TAC4: variants seen among roughly 807,000 people sequenced by gnomAD.
The protein encoded by TAC4 is tachykinin-4.
Under a neutral mutation model 17.7 loss-of-function variants are expected in TAC4, and 17 were observed. That is an observed-to-expected ratio of 0.96 (90% CI 0.66 to 1.44). The LOEUF (loss-of-function observed/expected upper bound fraction) is 1.44. Among genes scored for constraint, TAC4 ranks in the 40% most tolerant of loss-of-function variants. The pLI, the probability that TAC4 is intolerant of heterozygous loss-of-function variation, is 0.00. For synonymous variants in TAC4, 62 were observed against 52.4 expected (o/e 1.18, Z -0.79); for missense variants, 118 against 125.6 (o/e 0.94, Z 0.29).
At chr17:49,845,448 C>T (rs1049514451) in intron 1 of TAC4, among the ~76,000 whole-genome samples, 4 of 152,188 alleles carry the variant, frequency 2.6e-5, no homozygotes, top group Non-Finnish European at 4.4e-5. Flanking sequence ...CAGTGGGTAA[C>T]ATTCATTAGA....
chr17:49,839,806 A>G (rs368305151), intron 4 of TAC4, 44 bp downstream of exon 4: 1 of 1,585,228 alleles, frequency 6.3e-7, no homozygotes, highest in African/African-American at 1.3e-5. Context: ...GTGTCTGGCC[A>G]TTTTCCCATG....
chr17:49,844,113 C>T lies in TAC4; in HGVS notation c.150G>A (p.Lys50=). The T allele has an allele frequency of 1.2e-6, 2 of 1,613,978 alleles. No individual in the cohort carries two copies. Among genetic ancestry groups the T allele is most frequent in the Non-Finnish European group, 1.7e-6 (2 of 1,179,834 alleles). The change falls in exon 2 of 5, where the codon AAG becomes AAA. Residue 50 remains lysine, a synonymous_variant. Transcript: ENST00000436235. ...CAAAGAACTGGCTTGCCTTGCCCGT[C>T]TTCACCTCCTGCAGCTGGAGCTGAA... ...PSIQLQLQEV[K]TGKASQFFGL...
At chr17:49,847,748 G>C in intron 1 of TAC4, 165 bp downstream of exon 1, 1 of 1,114,520 alleles carries the variant, frequency 9.0e-7, no homozygotes. Context: ...GCCAGGCCAG[G>C]GCTCATAGCC....
chr17:49,844,381 T>C (rs763612033), intron 1 of TAC4, among the ~76,000 whole-genome samples: 1 of 152,046 alleles, frequency 6.6e-6, no homozygotes, highest in Non-Finnish European at 1.5e-5. Context: ...GTAACTAATT[T>C]AAACCTCACC....
rs770605870 is a variant in TAC4, at chr17:49,847,933, T to G, written c.85A>C (p.Ser29Arg). The G allele has an allele frequency of 8.7e-6, 14 of 1,614,054 alleles. No homozygotes were observed. The East Asian group carries it at 2.9e-4, about 33-fold the overall frequency. Residue 29 changes from serine (S) to arginine (R), a missense_variant, in exon 1 of 5, where the codon AGC (serine) becomes CGC (arginine). Transcript: ENST00000436235. Reference sequence around the variant, plus strand: ...ATTACCCAGGTCTCTGCTTCAGTGCTGAGTGTCTGTTCCTCTCCACCATCA... The same window carrying G: ...ATTACCCAGGTCTCTGCTTCAGTGCGGAGTGTCTGTTCCTCTCCACCATCA... The part of the protein sequence containing the change: ...AGDGGEEQTL[S>R]TEAETWEGAG...
Position 49,839,830 on chromosome 17 carries a change from C to T in TAC4, c.292+20G>A, listed in dbSNP as rs761038072. The T allele has an allele frequency of 3.7e-6, 6 of 1,605,104 alleles. No individual in the cohort carries two copies. The highest frequency in any genetic ancestry group is 4.3e-6 in the Non-Finnish European group (5 of 1,175,636). The stretch of plus-strand genomic sequence containing the variant: ...CATTTTCCCATGATGCCCTTGCAAC[C>T]ACCAGCGGCTCTTGCCTACCTTCTG... On this transcript the variant is annotated intron_variant, in intron 4 of 4. Coordinates refer to ENST00000436235, the MANE Select transcript of TAC4 (RefSeq NM_001077506.2).
chr17:49,844,682 T>C (rs1170067544), intron 1 of TAC4, among the ~76,000 whole-genome samples: 1 of 152,166 alleles, frequency 6.6e-6, no homozygotes, highest in Non-Finnish European at 1.5e-5. Context: ...TGCTTGAACC[T>C]GGGAGGCAGA....
In TAC4 at chr17:49,838,473, C is replaced by CT; in HGVS notation, c.*168dup. 1 of 774,000 alleles carries CT rather than the reference C, an allele frequency of 1.3e-6. No individual in the cohort carries two copies. The highest frequency in any genetic ancestry group is 2.2e-6 in the Non-Finnish European group (1 of 453,002). 47.9% of individuals were successfully genotyped at this position (774,000 alleles called of 1,614,324 possible). On this transcript the variant is annotated 3_prime_UTR_variant, in exon 5 of 5. Coordinates refer to ENST00000436235, the MANE Select transcript of TAC4 (RefSeq NM_001077506.2). The stretch of plus-strand genomic sequence containing the variant: ...ATTTATGCAGGACTGCTGCTTGACA[C>CT]TGAGAGTCCAGGAAGAAGCCCAGTG...
rs771848441 is a variant in TAC4 at position 49,838,434 on chromosome 17, CG to C, written c.*207del. On this transcript the variant is annotated 3_prime_UTR_variant, in exon 5 of 5. Coordinates refer to ENST00000436235, the MANE Select transcript of TAC4 (RefSeq NM_001077506.2). The stretch of plus-strand genomic sequence containing the variant: ...AGGGCAGAGTCAGTGCAGCTTGCTA[CG>C]GCGAAGCTGTGCATTTATGCAGGAC... 1 of 651,510 alleles carries C rather than the reference CG, an allele frequency of 1.5e-6. No individual in the cohort carries two copies. The highest frequency in any genetic ancestry group is 2.7e-6 in the Non-Finnish European group (1 of 366,646). 40.4% of individuals were successfully genotyped at this position (651,510 alleles called of 1,614,324 possible). A position where few individuals can be genotyped will look rare whatever the true frequency, so the allele number is the denominator to read the frequency against.
At chr17:49,846,867 A>C in intron 1 of TAC4, 1 of 1,020,234 alleles carries the variant, frequency 9.8e-7, no homozygotes. Context: ...TTTGGCACTG[A>C]CTATAAAAGC....
intron 2 of TAC4, among the ~76,000 whole-genome samples, chr17:49,843,716 C>T (rs1238069554): frequency 6.6e-6 from 1 of 152,190 alleles, no homozygotes; most frequent in Admixed American, 6.5e-5. Context: ...GCCTCAGCCT[C>T]CTGAGTAGCT....
chr17:49,842,305 C>T (rs973551779), intron 2 of TAC4, among the ~76,000 whole-genome samples: 1 of 151,640 alleles, frequency 6.6e-6, no homozygotes, highest in African/African-American at 2.4e-5. Context: ...CTGAGGTGGG[C>T]GAATCACGAG....
rs142464631 is a variant in TAC4, at chr17:49,847,015, C to A, written c.105+898G>T. 6.2e-6 allele frequency: 8 copies of A among 1,290,148 alleles called. No individual in the cohort carries two copies. In the African/African-American group the frequency reaches 9.1e-5, roughly 15 times the overall value. 79.9% of individuals were successfully genotyped at this position (1,290,148 alleles called of 1,614,324 possible). A position where few individuals can be genotyped will look rare whatever the true frequency, so the allele number is the denominator to read the frequency against. On this transcript the variant is annotated intron_variant, in intron 1 of 4. Transcript: ENST00000436235. The stretch of plus-strand genomic sequence containing the variant: ...TGCCCTCTCCTCACTGCACACACTT[C>A]CAGGTTCAGACAAACCGGAAAGGAA...
chr17:49,841,264 T>C (rs1009909632), intron 3 of TAC4, among the ~76,000 whole-genome samples: 7 of 149,858 alleles, frequency 4.7e-5, no homozygotes, highest in East Asian at 3.9e-4. Flanking sequence ...TTTTTTTTTT[T>C]TTCTAATTCC....
chr17:49,846,977 C>T (rs911483449), intron 1 of TAC4: 6 of 1,289,740 alleles, frequency 4.7e-6, no homozygotes, highest in Admixed American at 4.6e-5. Context: ...AGTGGAGACA[C>T]TCCTAGCCCT....
At chr17:49,844,576 G>T (rs1040953827) in intron 1 of TAC4, among the ~76,000 whole-genome samples, 1 of 152,012 alleles carries the variant, frequency 6.6e-6, no homozygotes, top group African/African-American at 2.4e-5. Context: ...TGGCCAACAT[G>T]GTGAAACCCC....
At chr17:49,840,244 G>T (rs781008091) in intron 3 of TAC4, among the ~76,000 whole-genome samples, 1 of 152,204 alleles carries the variant, frequency 6.6e-6, no homozygotes, top group Non-Finnish European at 1.5e-5. Flanking sequence ...CTGTTGGGGG[G>T]CTTCCAGTCT....
intron 1 of TAC4, 47 bp downstream of exon 1, chr17:49,847,866 C>A: frequency 6.2e-7 from 1 of 1,612,932 alleles, no homozygotes; most frequent in East Asian, 2.2e-5. Context: ...TTATCCCCTG[C>A]CCTCGTCAGA....
At position 49,838,361 on chromosome 17, in the gene TAC4, G is replaced by C. The variant is rs1411277352; in HGVS notation, c.*281C>G. 1.9e-6 allele frequency: 1 copy of C among 532,432 alleles called. No individual in the cohort carries two copies. The highest frequency in any genetic ancestry group is 3.6e-5 in the Admixed American group (1 of 27,916). The allele number at this position is 532,432 out of a possible 1,614,324, so 33.0% of individuals were successfully genotyped here. Reference sequence around the variant, plus strand: ...GCTAGGCACAGGATACAGAGTGTGCGAGTCTCCTCACTGCTGTGCAGTGAG... The same window carrying C: ...GCTAGGCACAGGATACAGAGTGTGCCAGTCTCCTCACTGCTGTGCAGTGAG... On this transcript the variant is annotated 3_prime_UTR_variant, in exon 5 of 5. Coordinates refer to ENST00000436235, the MANE Select transcript of TAC4 (RefSeq NM_001077506.2).
Sources: allele counts gnomAD v4.1 joint callset (sites outside exome capture counted in the v4.1 genomes callset), GRCh38; gene constraint gnomAD v4.1.1; transcripts MANE v1.5; gene names NCBI Gene and HGNC (gene_info 2026-07-23, HGNC 2026-07-21).